Variants in HAT1 observed in about 807,000 individuals in gnomAD.
HAT1 encodes the protein histone acetyltransferase 1.
HAT1 carries 20 observed loss-of-function variants against 56.6 expected under a neutral mutation model. The ratio of observed to expected loss-of-function variants is 0.35; its 90% CI spans 0.25 to 0.51. The LOEUF is 0.51. Among genes scored for constraint, HAT1 ranks in the 20% least tolerant of loss-of-function variants. HAT1 has a pLI of 0.95. For missense variants in HAT1, 408 were observed against 504.3 expected, an observed-to-expected ratio of 0.81 and a Z score of 1.83; for synonymous variants, 146 against 165.5, an observed-to-expected ratio of 0.88 and a Z score of 0.91.
intron 2 of HAT1, 120 bp from the exon 3 acceptor site, chr2:171,946,588 T>C: frequency 3.1e-6 from 2 of 654,914 alleles, no homozygotes; most frequent in Non-Finnish European, 5.4e-6. Flanking sequence ...AATGACACTT[T>C]TAGTAAGAAA....
At chr2:171,968,792 T>TA (rs1687743643) in intron 8 of HAT1, among the ~76,000 whole-genome samples, 1 of 152,192 alleles carries the variant, frequency 6.6e-6, no homozygotes, top group Admixed American at 6.5e-5. Context: ...TCTACTCTTC[T>TA]GTCATTTAGT....
In HAT1 at chr2:171,953,017, C is replaced by CT. The variant is rs1687346178; in HGVS notation, c.309+21dup. 2 of 1,536,844 alleles carry CT rather than the reference C, an allele frequency of 1.3e-6. No homozygotes were observed. The highest frequency in any genetic ancestry group is 1.8e-6 in the Non-Finnish European group (2 of 1,128,722). ...CTGTGTAGAGGTAAGAACAGAAATA[C>CT]TTTTTAAACTGTTTTCCAATTTAAT... On this transcript the variant is annotated intron_variant, in intron 4 of 10. Coordinates refer to ENST00000264108, the MANE Select transcript of HAT1 (RefSeq NM_003642.4).
intron 1 of HAT1, chr2:171,923,992 G>A (rs1429976937): frequency 1.3e-5 from 2 of 152,120 alleles, no homozygotes; most frequent in Non-Finnish European, 2.9e-5. Context: ...GGTCAGAGGG[G>A]TTAAGTAATG....
chr2:171,946,936 A>G (rs1687182512), intron 3 of HAT1, among the ~76,000 whole-genome samples, 153 bp downstream of exon 3: 1 of 152,062 alleles, frequency 6.6e-6, no homozygotes, highest in African/African-American at 2.4e-5. Flanking sequence ...TTTTACATTG[A>G]GACACCAGTT....
Position 171,960,961 on chromosome 2 carries a change from G to T in HAT1, c.310-4377G>T, listed in dbSNP as rs551854991. On this transcript the variant is annotated intron_variant, in intron 4 of 10. Transcript: ENST00000264108. ...GTTTGAGACTAGCCTGGCCAACATG[G>T]TGAAACCTCATCTCTACCAAAAGTG... Among the ~76,000 whole-genome samples, 136 of 152,244 alleles carry T rather than the reference G, an allele frequency of 8.9e-4. 1 individual carries two copies. Among genetic ancestry groups the T allele is most frequent in the Non-Finnish European group, 1.7e-3 (116 of 68,012 alleles).
At chr2:171,972,252 T>G (rs1310986253) in intron 8 of HAT1, among the ~76,000 whole-genome samples, 1 of 151,582 alleles carries the variant, frequency 6.6e-6, no homozygotes, top group Non-Finnish European at 1.5e-5. Context: ...TTGTTTTTTT[T>G]TTTGTTTTTT....
intron 2 of HAT1, among the ~76,000 whole-genome samples, chr2:171,936,909 A>G (rs1029773253): frequency 6.6e-6 from 1 of 152,218 alleles, no homozygotes; most frequent in African/African-American, 2.4e-5. Flanking sequence ...CTGCATTATG[A>G]GCACCTGTTG....
chr2:171,977,293 C>A (rs1172146384), intron 9 of HAT1, among the ~76,000 whole-genome samples: 1 of 150,774 alleles, frequency 6.6e-6, no homozygotes, highest in East Asian at 2.0e-4. Context: ...GAAACCATGT[C>A]TCTACTACAA....
At chr2:171,955,832 G>A (rs2105327865) in intron 4 of HAT1, among the ~76,000 whole-genome samples, 1 of 152,070 alleles carries the variant, frequency 6.6e-6, no homozygotes, top group Non-Finnish European at 1.5e-5. Flanking sequence ...GGATCACGAG[G>A]TCAGGAGTTT....
intron 2 of HAT1, among the ~76,000 whole-genome samples, chr2:171,939,021 G>A (rs1424001087): frequency 2.0e-5 from 3 of 152,128 alleles, no homozygotes; most frequent in Non-Finnish European, 4.4e-5. Flanking sequence ...GATTATAGAT[G>A]TGAGCCACCA....
chr2:171,925,580 A>T lies in HAT1; in HGVS notation c.51A>T (p.Ala17=), dbSNP rs779639916. ...AATTTTTGGTAGAATATAAGAGTGC[A>T]GTGGAGAAGAAACTGGCAGAGTACA... ...MEKFLVEYKS[A]VEKKLAEYKC... The change falls in exon 2 of 11, where the codon GCA becomes GCT. Residue 17 remains alanine, a synonymous_variant. Coordinates refer to ENST00000264108, the MANE Select transcript of HAT1 (RefSeq NM_003642.4). 2 of 1,582,962 alleles carry T rather than the reference A, an allele frequency of 1.3e-6. No individual in the cohort carries two copies. The highest frequency in any genetic ancestry group is 1.7e-6 in the Non-Finnish European group (2 of 1,151,660).
At chr2:171,934,577 G>A (rs1431183445) in intron 2 of HAT1, among the ~76,000 whole-genome samples, 3 of 152,132 alleles carry the variant, frequency 2.0e-5, no homozygotes, top group Admixed American at 6.6e-5. Flanking sequence ...GGAGATTTGA[G>A]GAAATAGTCA....
chr2:171,945,638 C>T (rs1687143059), intron 2 of HAT1, among the ~76,000 whole-genome samples: 1 of 151,362 alleles, frequency 6.6e-6, no homozygotes, highest in Non-Finnish European at 1.5e-5. Flanking sequence ...GGACTACAGG[C>T]ATGCGCCACC....
At chr2:171,929,894 G>T (rs1021811375) in intron 2 of HAT1, among the ~76,000 whole-genome samples, 5 of 152,044 alleles carry the variant, frequency 3.3e-5, no homozygotes, top group African/African-American at 1.2e-4. Context: ...AGATTGTTTC[G>T]ATTATTCTTG....
chr2:171,938,024 T>TTCTCATTCTCTCTC (rs1482378377), intron 2 of HAT1, among the ~76,000 whole-genome samples: 3 of 104,800 alleles, frequency 2.9e-5, no homozygotes, highest in Non-Finnish European at 5.5e-5. Flanking sequence ...TGTCTACTGA[T>TTCTCATTCTCTCTC]TCTCTCTCTC....
At chr2:171,965,713 T>C in intron 5 of HAT1, 74 bp from the exon 6 acceptor site, 1 of 1,415,164 alleles carries the variant, frequency 7.1e-7, no homozygotes, top group East Asian at 2.3e-5. Context: ...TCCCACAGGA[T>C]AATTTTGTGT....
rs1343611841 is a variant in HAT1, at chr2:171,979,256, A to G, written c.985A>G (p.Arg329Gly). The change falls in exon 10 of 11, where the codon AGA becomes GGA. Residue 329 changes from arginine (R) to glycine (G), a missense_variant. Coordinates refer to ENST00000264108, the MANE Select transcript of HAT1 (RefSeq NM_003642.4). Reference protein sequence around the residue: ...QKFKINKQHARRVYEILRLLV... With the variant: ...QKFKINKQHAGRVYEILRLLV... ...TTTTGTTTCATTCTAGCAACACGCT[A>G]GAAGGGTTTATGAAATTCTTCGACT... 1 of 1,534,180 alleles carries G rather than the reference A, an allele frequency of 6.5e-7. No individual in the cohort carries two copies. The highest frequency in any genetic ancestry group is 1.4e-5 in the African/African-American group (1 of 72,444).
At chr2:171,949,792 C>T (rs900456206) in intron 3 of HAT1, among the ~76,000 whole-genome samples, 5 of 152,082 alleles carry the variant, frequency 3.3e-5, no homozygotes, top group East Asian at 1.9e-4. Context: ...CGTGAACCAC[C>T]GCACCTGGCT....
intron 9 of HAT1, among the ~76,000 whole-genome samples, chr2:171,977,105 G>A (rs1012547294): frequency 2.0e-5 from 3 of 152,028 alleles, no homozygotes; most frequent in Non-Finnish European, 4.4e-5. Flanking sequence ...CTGGGGAGGC[G>A]GAGGTTGCAG....
Sources: gnomAD v4.1 joint callset for allele counts (sites outside exome capture counted in the v4.1 genomes callset) on GRCh38, gnomAD v4.1.1 for gene constraint, MANE v1.5 for transcripts, NCBI Gene and HGNC (gene_info 2026-07-23, HGNC 2026-07-21) for gene names.